NDRG4: variants seen among roughly 807,000 people sequenced by gnomAD.
NDRG4 encodes the protein NDRG family member 4.
In NDRG4, 38 loss-of-function variants were observed where a neutral mutation model predicts 55.8. The observed-to-expected ratio is 0.68, with a 90% CI of 0.53 to 0.89. The LOEUF (loss-of-function observed/expected upper bound fraction) is 0.89. NDRG4 is among the 40% of genes least tolerant of loss of function. The pLI is 0.00. For missense variants in NDRG4, 455 were observed against 468.6 expected (o/e 0.97, Z 0.27); for synonymous variants, 190 against 182.7 (o/e 1.04, Z -0.32).
At chr16:58,511,222 G>A (rs1208629380) in intron 14 of NDRG4, 200 bp from the exon 15 acceptor site, 12 of 607,402 alleles carry the variant, frequency 2.0e-5, no homozygotes, top group Admixed American at 3.0e-5. Context: ...GCTGCTGGCC[G>A]CAGCCCCCTA....
rs2038816738 is a variant in NDRG4, at chr16:58,511,610, G to A, written c.*34G>A. On this transcript the variant is annotated 3_prime_UTR_variant, in exon 15 of 15. Coordinates refer to ENST00000570248, the MANE Select transcript of NDRG4 (RefSeq NM_001242835.2). ...ATCCCGCTGACGACGCCCACGTCGAGGCCCCACCGCCATCCTTGCGCCGGC... is the reference window on the plus strand; with the variant it reads ...ATCCCGCTGACGACGCCCACGTCGAAGCCCCACCGCCATCCTTGCGCCGGC... 6.2e-7 allele frequency: 1 copy of A among 1,612,672 alleles called. No homozygotes were observed. The highest frequency in any genetic ancestry group is 2.2e-5 in the East Asian group (1 of 44,876).
At position 58,485,620 on chromosome 16, in the gene NDRG4, G is replaced by A. The variant is rs569971336; in HGVS notation, c.-23-2136G>A. Among the ~76,000 whole-genome samples the A allele has an allele frequency of 2.6e-5, 4 of 152,244 alleles. No individual in the cohort carries two copies. In the South Asian group the frequency reaches 8.3e-4, roughly 32 times the overall value. On this transcript the variant is annotated intron_variant, in intron 1 of 15. Transcript: ENST00000258187. ...CCAGCCCCCACACCCTGGATGGATG[G>A]GTGAGTGTGCACACATCTGAAAGGA... is the stretch of plus-strand genomic sequence containing the variant.
At chr16:58,471,042 G>A (rs1363807685) in intron 1 of NDRG4, among the ~76,000 whole-genome samples, 2 of 152,120 alleles carry the variant, frequency 1.3e-5, no homozygotes, top group Non-Finnish European at 1.5e-5. Context: ...AAGGAATGCA[G>A]CTCTGGAAGC....
At chr16:58,497,339 G>A (rs975890169), upstream of NDRG4, among the ~76,000 whole-genome samples, 11 of 150,614 alleles carry the variant, frequency 7.3e-5, no homozygotes, top group South Asian at 6.3e-4. Flanking sequence ...AGAAGAAGAA[G>A]AAAAAAAAAG....
At chr16:58,477,693 AG>A (rs1211010963) in intron 1 of NDRG4, among the ~76,000 whole-genome samples, 2 of 151,124 alleles carry the variant, frequency 1.3e-5, no homozygotes, top group Non-Finnish European at 3.0e-5. Flanking sequence ...AAAAAAAAAA[AG>A]AAAATTATCA....
chr16:58,502,040 C>A, intron 1 of NDRG4: 1 of 455,954 alleles, frequency 2.2e-6, no homozygotes, highest in Non-Finnish European at 4.4e-6. Context: ...GGAGCTCCCT[C>A]GGGTGGAACC....
intron 8 of NDRG4, 41 bp downstream of exon 8, chr16:58,507,056 A>C: frequency 6.6e-7 from 1 of 1,515,058 alleles, no homozygotes; most frequent in Non-Finnish European, 9.1e-7. Context: ...AGCACACCCC[A>C]GTGGGGGCCC....
intron 1 of NDRG4, among the ~76,000 whole-genome samples, chr16:58,472,753 C>T (rs2033053264): frequency 6.6e-6 from 1 of 152,128 alleles, no homozygotes; most frequent in Admixed American, 6.5e-5. Context: ...AAGTCAGGCC[C>T]TTCCTCGCAA....
chr16:58,511,288 C>T, intron 14 of NDRG4, 134 bp from the exon 15 acceptor site: 1 of 1,042,422 alleles, frequency 9.6e-7, no homozygotes, highest in Non-Finnish European at 1.4e-6. Flanking sequence ...TGTCGCCAGC[C>T]TCCTGACTCA....
chr16:58,484,950 C>T (rs1028875422), intron 1 of NDRG4, among the ~76,000 whole-genome samples: 1 of 149,394 alleles, frequency 6.7e-6, no homozygotes, highest in Admixed American at 6.7e-5. Flanking sequence ...GGCGCAATCT[C>T]GGCTCACTGC....
upstream of NDRG4, among the ~76,000 whole-genome samples, chr16:58,496,614 C>T (rs2036441266): frequency 6.6e-6 from 1 of 152,080 alleles, no homozygotes; most frequent in Non-Finnish European, 1.5e-5. Flanking sequence ...CTGGCCCCGC[C>T]ACTTCCAAGC....
At chr16:58,514,004 T>A (rs1228436073), downstream of NDRG4, among the ~76,000 whole-genome samples, 1 of 152,064 alleles carries the variant, frequency 6.6e-6, no homozygotes, top group Non-Finnish European at 1.5e-5. Context: ...AAAAAATGCC[T>A]TAAAGACAAA....
intron 2 of NDRG4, among the ~76,000 whole-genome samples, chr16:58,491,096 G>A (rs534760455): frequency 1.3e-5 from 2 of 152,094 alleles, no homozygotes; most frequent in South Asian, 4.2e-4. Context: ...GACCAACATG[G>A]TGAAACCCTG....
chr16:58,507,299 T>G (rs144104154), intron 8 of NDRG4: 1 of 476,402 alleles, frequency 2.1e-6, no homozygotes, highest in African/African-American at 1.9e-5. Context: ...CTGACTCCAG[T>G]AACCCAGCCT....
intron 2 of NDRG4, among the ~76,000 whole-genome samples, chr16:58,494,082 G>C (rs1410072998): frequency 6.6e-6 from 1 of 152,206 alleles, no homozygotes; most frequent in Non-Finnish European, 1.5e-5. Flanking sequence ...GGTGAAGCCT[G>C]ATTGTTCATC....
intron 1 of NDRG4, among the ~76,000 whole-genome samples, chr16:58,467,716 C>T (rs925254024): frequency 2.0e-5 from 3 of 152,196 alleles, no homozygotes; most frequent in Non-Finnish European, 2.9e-5. Flanking sequence ...CCGTTCCACA[C>T]TTCATTTTCC....
rs909387836 is a variant in NDRG4, at chr16:58,464,138, C to T, written c.-24+341C>T. Reference sequence around the variant, plus strand: ...GGGGGACCACCTCCCACGGTGTCACCGCACCCACCCCGCGCCCTTCCTCCG... The same window carrying T: ...GGGGGACCACCTCCCACGGTGTCACTGCACCCACCCCGCGCCCTTCCTCCG... On this transcript the variant is annotated intron_variant, in intron 1 of 15. Transcript: ENST00000258187. The surrounding 1 kb of genome is among the most constrained non-coding windows in gnomAD (Gnocchi z 4.8). 8.6e-6 allele frequency: 3 copies of T among 346,958 alleles called. No individual in the cohort carries two copies. Among genetic ancestry groups the T allele is most frequent in the Admixed American group, 4.8e-5 (1 of 20,946 alleles). 21.5% of individuals were successfully genotyped at this position (346,958 alleles called of 1,614,324 possible).
intron 10 of NDRG4, 132 bp from the exon 11 acceptor site, chr16:58,508,830 G>A: frequency 1.1e-6 from 1 of 933,352 alleles, no homozygotes; most frequent in Non-Finnish European, 1.7e-6. Context: ...GGAGCAGCCT[G>A]TCACAGCTGC....
chr16:58,500,478 T>G (rs2036937315), intron 1 of NDRG4: 2 of 382,464 alleles, frequency 5.2e-6, no homozygotes, highest in Non-Finnish European at 9.1e-6. Context: ...CAGCTGCTAG[T>G]CAGAGCCCAT....
Sources: gnomAD v4.1 joint callset for allele counts (sites outside exome capture counted in the v4.1 genomes callset) on GRCh38, gnomAD v4.1.1 for gene constraint, Gnocchi (gnomAD v3.1) non-coding constraint, MANE v1.5 for transcripts, NCBI Gene and HGNC (gene_info 2026-07-23, HGNC 2026-07-21) for gene names.